The following DLG2 variants were observed in gnomAD, a reference collection of about 807,000 sequenced individuals.
DLG2 encodes the protein discs large MAGUK scaffold protein 2.
A neutral mutation model predicts 132.5 loss-of-function variants in DLG2; 45 were observed. The observed-to-expected ratio is 0.34, with a 90% CI of 0.27 to 0.44. The LOEUF (loss-of-function observed/expected upper bound fraction) is 0.44, where lower values mean the gene tolerates loss of function less well. Among genes scored for constraint, DLG2 ranks in the 20% least tolerant of loss-of-function variants. DLG2 has a pLI of 1.00. For missense variants in DLG2, 1,045 were observed against 1,196.9 expected (o/e 0.87, Z 1.87); for synonymous variants, 424 against 419.6 (o/e 1.01, Z -0.13).
chr11:84,953,836 T>A (rs1388515398), intron 6 of DLG2, among the ~76,000 whole-genome samples: 1 of 152,152 alleles, frequency 6.6e-6, no homozygotes, highest in African/African-American at 2.4e-5. Flanking sequence ...ACAGCCTTAT[T>A]TCTCACCACC....
At chr11:85,393,629 A>ATGTGTGTGTGTGTG (rs35765389) in intron 3 of DLG2, among the ~76,000 whole-genome samples, 2 of 143,722 alleles carry the variant, frequency 1.4e-5, no homozygotes, top group Non-Finnish European at 3.1e-5. Context: ...TGGTATGCAT[A>ATGTGTGTGTGTGTG]TGTGTGTGTG....
chr11:84,194,690 G>A (rs2096482022), intron 8 of DLG2, among the ~76,000 whole-genome samples: 1 of 152,194 alleles, frequency 6.6e-6, no homozygotes, highest in Non-Finnish European at 1.5e-5. Flanking sequence ...AGACATAAAA[G>A]TTCTCCAAGT....
At chr11:84,311,792 C>G (rs948852820) in intron 7 of DLG2, among the ~76,000 whole-genome samples, 1 of 152,210 alleles carries the variant, frequency 6.6e-6, no homozygotes, top group Non-Finnish European at 1.5e-5. Context: ...TTTAATGAAC[C>G]TTCTCTCACA....
intron 15 of DLG2, among the ~76,000 whole-genome samples, chr11:83,919,140 T>C (rs79916198): frequency 0.027 from 4,102 of 152,222 alleles, 186 homozygotes; most frequent in African/African-American, 0.09. Flanking sequence ...ACAGGCCCTA[T>C]AAGGAGGGAA....
intron 6 of DLG2, among the ~76,000 whole-genome samples, chr11:84,760,634 T>C (rs142513136): frequency 6.6e-6 from 1 of 152,218 alleles, no homozygotes; most frequent in African/African-American, 2.4e-5. Context: ...TAACTGTGTA[T>C]TTAAATTATT....
intron 6 of DLG2, among the ~76,000 whole-genome samples, chr11:85,087,555 T>G (rs1324239856): frequency 1.3e-5 from 2 of 152,132 alleles, no homozygotes; most frequent in Non-Finnish European, 2.9e-5. Flanking sequence ...AACCAGATCA[T>G]GGGCCGGGCG....
intron 12 of DLG2, among the ~76,000 whole-genome samples, chr11:83,966,625 T>A (rs1315275086): frequency 6.6e-6 from 1 of 152,010 alleles, no homozygotes; most frequent in Admixed American, 6.6e-5. Context: ...TATAAAAAAA[T>A]AAATTTTGTT....
chr11:83,714,755 G>A (rs1212242811), intron 18 of DLG2, among the ~76,000 whole-genome samples: 1 of 152,154 alleles, frequency 6.6e-6, no homozygotes, highest in African/African-American at 2.4e-5. Context: ...TTAAGTTCTA[G>A]GGTACATGTG....
intron 7 of DLG2, among the ~76,000 whole-genome samples, chr11:84,315,899 A>G (rs2098349134): frequency 6.6e-6 from 1 of 152,124 alleles, no homozygotes. Flanking sequence ...CTTCTCCACT[A>G]TGCTAAAATC....
chr11:84,705,487 A>G (rs2059692651), intron 6 of DLG2, among the ~76,000 whole-genome samples: 1 of 151,792 alleles, frequency 6.6e-6, no homozygotes, highest in African/African-American at 2.4e-5. Context: ...TGCTTATTTT[A>G]TAAGCAATAA....
chr11:85,616,316 A>T (rs1278232492), intron 2 of DLG2, among the ~76,000 whole-genome samples: 2 of 152,202 alleles, frequency 1.3e-5, no homozygotes, highest in African/African-American at 4.8e-5. Flanking sequence ...AGGGGGAAAA[A>T]AGCATTAAAT....
At chr11:85,521,338 C>A (rs1388676920) in intron 3 of DLG2, among the ~76,000 whole-genome samples, 1 of 152,208 alleles carries the variant, frequency 6.6e-6, no homozygotes, top group African/African-American at 2.4e-5. Flanking sequence ...TCTCCTGCCA[C>A]CATCTGAAGA....
intron 19 of DLG2, among the ~76,000 whole-genome samples, chr11:83,558,797 C>T (rs890523377): frequency 1.1e-4 from 16 of 151,822 alleles, no homozygotes; most frequent in African/African-American, 3.9e-4. Context: ...TCCATTTACC[C>T]AGCATACATG....
intron 4 of DLG2, among the ~76,000 whole-genome samples, chr11:85,195,583 GCGCAATCTCGGCTCACTGCAAGCTC>G (rs2080984867): frequency 6.6e-6 from 1 of 151,032 alleles, no homozygotes; most frequent in African/African-American, 2.4e-5. Context: ...GAGTGCAGTG[GCGCAATCTCGGCTCACTGCAAGCTC>G]CGCCTCCAGG....
chr11:84,338,678 C>A (rs1206717248), intron 7 of DLG2, among the ~76,000 whole-genome samples: 1 of 152,042 alleles, frequency 6.6e-6, no homozygotes, highest in East Asian at 1.9e-4. Flanking sequence ...TGGTGGCAGT[C>A]ACCTGTAATC....
intron 6 of DLG2, among the ~76,000 whole-genome samples, chr11:84,694,174 T>C (rs956549597): frequency 6.6e-5 from 10 of 151,600 alleles, no homozygotes; most frequent in African/African-American, 2.4e-4. Flanking sequence ...GAAGGAAGAC[T>C]TGATCTGGTT....
At chr11:84,715,362 C>G (rs537998113) in intron 6 of DLG2, among the ~76,000 whole-genome samples, 1 of 152,054 alleles carries the variant, frequency 6.6e-6, no homozygotes, top group South Asian at 2.1e-4. Flanking sequence ...GTGTTACACT[C>G]TGTGTGTGTG....
Position 85,192,825 on chromosome 11 carries a change from T to C in DLG2, c.187-38174A>G, listed in dbSNP as rs575593490. Among the ~76,000 whole-genome samples, 10 of 152,318 alleles carry C rather than the reference T, an allele frequency of 6.6e-5. No homozygotes were observed. In the South Asian group the frequency reaches 1.2e-3, roughly 19 times the overall value. ...TGCTTAAACCGGCACGGTAATAGCA[T>C]GCACTCCATTCTTCACTTCAATCCA... On this transcript the variant is annotated intron_variant, in intron 4 of 27. Transcript: ENST00000376104.
intron 3 of DLG2, among the ~76,000 whole-genome samples, chr11:85,358,126 G>A (rs2083881501): frequency 1.3e-5 from 2 of 151,652 alleles, no homozygotes; most frequent in Admixed American, 6.6e-5. Context: ...AGAGAAGAAG[G>A]AAAAAAATGA....
Sources: allele counts gnomAD v4.1 joint callset (sites outside exome capture counted in the v4.1 genomes callset), GRCh38; gene constraint gnomAD v4.1.1; transcripts MANE v1.5; gene names NCBI Gene and HGNC (gene_info 2026-07-23, HGNC 2026-07-21).